SDK1: variants seen among roughly 807,000 people sequenced by gnomAD.
SDK1 encodes the protein sidekick cell adhesion molecule 1, also known as protein sidekick-1.
A neutral mutation model predicts 245.5 loss-of-function variants in SDK1; 157 were observed. The observed-to-expected ratio is 0.64, with a 90% CI of 0.56 to 0.73. SDK1 has a LOEUF of 0.73. SDK1 is among the 30% of genes least tolerant of loss of function. The pLI is 0.00. For missense variants in SDK1, 3,583 were observed against 3,002.3 expected (o/e 1.19, Z -4.52); for synonymous variants, 1,647 against 1,278.5 (o/e 1.29, Z -6.15).
chr7:4,012,321 A>G (rs1379490979), intron 16 of SDK1, 86 bp downstream of exon 16: 2 of 1,359,874 alleles, frequency 1.5e-6, no homozygotes, highest in East Asian at 2.7e-5. Context: ...TAATGTCTGT[A>G]AGAGCCAAAC....
At chr7:3,625,791 C>T (rs1210419582) in intron 2 of SDK1, among the ~76,000 whole-genome samples, 1 of 151,172 alleles carries the variant, frequency 6.6e-6, no homozygotes, top group Non-Finnish European at 1.5e-5. Flanking sequence ...ATCCCCAGGA[C>T]AGGAAGCAAG....
chr7:3,370,994 C>A (rs1364593463), intron 1 of SDK1, among the ~76,000 whole-genome samples: 5 of 152,162 alleles, frequency 3.3e-5, no homozygotes, highest in Admixed American at 6.5e-5. Flanking sequence ...AGGGTGCCGT[C>A]CAACCCTGAC....
intron 4 of SDK1, among the ~76,000 whole-genome samples, chr7:3,761,702 T>C (rs1357694263): frequency 6.6e-6 from 1 of 151,700 alleles, no homozygotes; most frequent in Admixed American, 6.6e-5. Context: ...TTGATACAAG[T>C]TTGATTAGAG....
chr7:3,985,276 C>T (rs975410640), intron 13 of SDK1, among the ~76,000 whole-genome samples: 1 of 152,270 alleles, frequency 6.6e-6, no homozygotes, highest in Non-Finnish European at 1.5e-5. Flanking sequence ...AGATCAGATA[C>T]ATTCTTTATG....
At chr7:3,940,931 A>G (rs7801639) in intron 5 of SDK1, among the ~76,000 whole-genome samples, 68,709 of 151,668 alleles carry the variant, frequency 0.45, 18,447 homozygotes, top group African/African-American at 0.76. Flanking sequence ...TCCTACTTTC[A>G]ATCACCGCCC....
At chr7:3,493,184 C>A (rs569335910) in intron 1 of SDK1, among the ~76,000 whole-genome samples, 2 of 152,224 alleles carry the variant, frequency 1.3e-5, no homozygotes, top group African/African-American at 4.8e-5. Flanking sequence ...ATCTCCTGAC[C>A]TCATAATCCT....
intron 5 of SDK1, among the ~76,000 whole-genome samples, chr7:3,924,144 C>G (rs1228556111): frequency 6.6e-6 from 1 of 151,066 alleles, no homozygotes; most frequent in Non-Finnish European, 1.5e-5. Context: ...AAAGGGGACG[C>G]TGTTGTAACC....
intron 42 of SDK1, among the ~76,000 whole-genome samples, chr7:4,240,837 A>C (rs534475756): frequency 4.3e-4 from 66 of 152,192 alleles, no homozygotes; most frequent in Middle Eastern, 6.8e-3. Flanking sequence ...GAAACCCGGG[A>C]AATACTGGGA....
intron 44 of SDK1, among the ~76,000 whole-genome samples, chr7:4,259,574 G>C (rs1034338974): frequency 6.6e-6 from 1 of 152,182 alleles, no homozygotes; most frequent in African/African-American, 2.4e-5. Flanking sequence ...AACTGCTCCA[G>C]TAGGGCCGGG....
At chr7:3,356,404 C>G (rs1282670491) in intron 1 of SDK1, among the ~76,000 whole-genome samples, 4 of 152,146 alleles carry the variant, frequency 2.6e-5, no homozygotes, top group African/African-American at 9.7e-5. Flanking sequence ...TGTTACCGCT[C>G]TTTAAAGATT....
In SDK1 at chr7:4,268,494, GCCC is replaced by G. The variant is rs1376594403; in HGVS notation, c.*3112_*3114del. ...CAATGCTGTAGCCAAAAAACGAGGG[GCCC>G]CAGGGAGAGGGGACCCAGATGGCCA... is the stretch of plus-strand genomic sequence containing the variant. On this transcript the variant is annotated 3_prime_UTR_variant, in exon 45 of 45. Transcript: ENST00000404826. 2 of 1,185,928 alleles carry G rather than the reference GCCC, an allele frequency of 1.7e-6. No homozygotes were observed. The highest frequency in any genetic ancestry group is 2.1e-6 in the Non-Finnish European group (2 of 936,286). The allele number at this position is 1,185,928 out of a possible 1,614,324, so 73.5% of individuals were successfully genotyped here. A position where few individuals can be genotyped will look rare whatever the true frequency, so the allele number is the denominator to read the frequency against.
intron 9 of SDK1, among the ~76,000 whole-genome samples, chr7:3,963,841 G>T (rs1781889608): frequency 6.6e-6 from 1 of 152,090 alleles, no homozygotes; most frequent in African/African-American, 2.4e-5. Context: ...CTACCCAGAT[G>T]TATCCAGTGG....
chr7:3,544,033 T>G (rs564502429), intron 1 of SDK1, among the ~76,000 whole-genome samples: 8 of 152,340 alleles, frequency 5.3e-5, no homozygotes, highest in African/African-American at 1.9e-4. Flanking sequence ...ATAACCATTG[T>G]GTAGTTTTTA....
chr7:3,336,745 A>G (rs1213133678), intron 1 of SDK1, among the ~76,000 whole-genome samples: 1 of 152,108 alleles, frequency 6.6e-6, no homozygotes, highest in Admixed American at 6.5e-5. Context: ...CTGATCTTAC[A>G]CAGAGGCAAC....
chr7:4,071,266 C>A (rs571487380), intron 20 of SDK1, among the ~76,000 whole-genome samples: 1 of 151,940 alleles, frequency 6.6e-6, no homozygotes, highest in Admixed American at 6.5e-5. Flanking sequence ...CTCAGGTGAT[C>A]CACCCACTTC....
At chr7:3,372,843 G>A (rs1425512716) in intron 1 of SDK1, among the ~76,000 whole-genome samples, 1 of 152,184 alleles carries the variant, frequency 6.6e-6, no homozygotes, top group African/African-American at 2.4e-5. Context: ...TATTTCAAAA[G>A]CCAGAGTTAC....
intron 32 of SDK1, among the ~76,000 whole-genome samples, chr7:4,171,274 T>C (rs749505019): frequency 2.0e-5 from 3 of 152,234 alleles, no homozygotes; most frequent in Non-Finnish European, 4.4e-5. Flanking sequence ...TCATCTGTGC[T>C]GGCTCACTTT....
At chr7:3,367,330 T>C in intron 1 of SDK1, among the ~76,000 whole-genome samples, 1 of 152,122 alleles carries the variant, frequency 6.6e-6, no homozygotes, top group Admixed American at 6.5e-5. Flanking sequence ...AAGCAAGGAA[T>C]AGAATAGAAA....
intron 2 of SDK1, among the ~76,000 whole-genome samples, chr7:3,629,303 AAAAAAAAAG>A (rs199516924): frequency 0.24 from 35,405 of 148,564 alleles, 4,944 homozygotes; most frequent in Non-Finnish European, 0.33. Flanking sequence ...TCAGTCTCAA[AAAAAAAAAG>A]AAAAAAAAGA....
Sources: gnomAD v4.1 joint callset for allele counts (sites outside exome capture counted in the v4.1 genomes callset) on GRCh38, gnomAD v4.1.1 for gene constraint, MANE v1.5 for transcripts, NCBI Gene and HGNC (gene_info 2026-07-23, HGNC 2026-07-21) for gene names.